Variants in PDZD9 observed in about 807,000 individuals in gnomAD.
PDZD9 encodes the protein PDZ domain containing 9.
A neutral mutation model predicts 16.3 loss-of-function variants in PDZD9; 13 were observed. The observed-to-expected ratio is 0.80, with a 90% CI of 0.52 to 1.27. PDZD9 has a LOEUF of 1.27. Ranked by LOEUF, PDZD9 falls within the 50% of genes most tolerant of loss-of-function variation. The pLI is 0.00. For missense variants in PDZD9, 288 were observed against 310.9 expected, an observed-to-expected ratio of 0.93 and a Z score of 0.55; for synonymous variants, 120 against 111.0, an observed-to-expected ratio of 1.08 and a Z score of -0.51.
At chr16:21,973,770 T>A in the PDZD9 span, 19 of 761,942 alleles carry the variant, frequency 2.5e-5, no homozygotes, top group Non-Finnish European at 4.1e-5. Context: ...CAGAACTGGC[T>A]AAGTAAAATA....
intron 2 of PDZD9, among the ~76,000 whole-genome samples, chr16:21,992,066 A>ATT (rs1248462461): frequency 6.6e-6 from 1 of 152,062 alleles, no homozygotes; most frequent in African/African-American, 2.4e-5. Flanking sequence ...CAAACTTTAA[A>ATT]TTAGATAACA....
chr16:21,978,372 TA>T, the PDZD9 span, among the ~76,000 whole-genome samples: 1 of 152,200 alleles, frequency 6.6e-6, no homozygotes, highest in Non-Finnish European at 1.5e-5. Flanking sequence ...GAGGTTCAAA[TA>T]ACTCGACTGT....
chr16:21,972,292 C>T, the PDZD9 span, among the ~76,000 whole-genome samples: 19 of 152,220 alleles, frequency 1.2e-4, no homozygotes, highest in Admixed American at 1.1e-3. Flanking sequence ...ATCAAAAACT[C>T]ACTGGCTTTT....
At chr16:21,978,474 T>G in the PDZD9 span, among the ~76,000 whole-genome samples, 1 of 152,194 alleles carries the variant, frequency 6.6e-6, no homozygotes, top group Non-Finnish European at 1.5e-5. Flanking sequence ...TTTGTGCCCA[T>G]ATTTAAGCTG....
the PDZD9 span, among the ~76,000 whole-genome samples, chr16:21,971,024 T>C: frequency 3.9e-5 from 6 of 152,174 alleles, no homozygotes; most frequent in Non-Finnish European, 7.3e-5. Context: ...TTTCCTGCAT[T>C]TCATGGGTCC....
At chr16:21,986,634 C>T (rs923282237) in intron 3 of PDZD9, among the ~76,000 whole-genome samples, 4 of 152,122 alleles carry the variant, frequency 2.6e-5, no homozygotes, top group African/African-American at 7.2e-5. Context: ...CCACTGACCA[C>T]ATGAAAGTCC....
chr16:21,968,528 C>G, the PDZD9 span: 2 of 1,035,062 alleles, frequency 1.9e-6, no homozygotes, highest in African/African-American at 1.6e-5. Context: ...ACTTATAAGG[C>G]CTTATAAGTA....
At chr16:21,961,368 A>AT in the PDZD9 span, 2 of 440,622 alleles carry the variant, frequency 4.5e-6, no homozygotes, top group Non-Finnish European at 9.2e-6. Context: ...TGAGACCACT[A>AT]TACAGCCATT....
chr16:21,961,726 A>G, the PDZD9 span, among the ~76,000 whole-genome samples: 1 of 140,664 alleles, frequency 7.1e-6, no homozygotes, highest in Non-Finnish European at 1.5e-5. Flanking sequence ...ATCTTGGCTC[A>G]CTGTAACCTC....
downstream of PDZD9, chr16:21,983,011 TGACAAAATAA>T: frequency 7.7e-7 from 1 of 1,298,028 alleles, no homozygotes. Flanking sequence ...ATTCTTGAAA[TGACAAAATAA>T]GTTCGCCTGC....
chr16:21,988,784 A>G lies in PDZD9; in HGVS notation c.219T>C (p.Val73=), dbSNP rs1173990482. ...CATTGGCATGGCCAACACTAATCAG[A>G]ACATCACCTGAAGAGGGAAAAAATT... is the stretch of plus-strand genomic sequence containing the variant. The part of the protein sequence containing the change: ...ANDGKLQPGD[V]LISVGHANVL... Residue 73 remains valine (V), a synonymous_variant, in exon 3 of 4, where the codon GTT becomes GTC. Coordinates refer to ENST00000424898, the MANE Select transcript of PDZD9 (RefSeq NM_001363519.1). 2 of 1,605,464 alleles carry G rather than the reference A, an allele frequency of 1.2e-6. No individual in the cohort carries two copies. The highest frequency in any genetic ancestry group is 1.7e-4 in the Middle Eastern group (1 of 6,014).
chr16:21,996,045 C>T (rs1281230779), intron 2 of PDZD9, among the ~76,000 whole-genome samples: 1 of 152,108 alleles, frequency 6.6e-6, no homozygotes, highest in Non-Finnish European at 1.5e-5. Context: ...CCACCTCAGC[C>T]TCCCAAAGTG....
chr16:21,996,862 G>A (rs562046669), intron 1 of PDZD9, among the ~76,000 whole-genome samples: 1 of 152,214 alleles, frequency 6.6e-6, no homozygotes, highest in South Asian at 2.1e-4. Flanking sequence ...TCACTCTGTT[G>A]CCCAGGCTGG....
At chr16:21,960,662 A>G in the PDZD9 span, among the ~76,000 whole-genome samples, 4 of 152,178 alleles carry the variant, frequency 2.6e-5, no homozygotes, top group Non-Finnish European at 4.4e-5. Flanking sequence ...AGTGAGAGAC[A>G]TGAGACTCTT....
At chr16:21,998,386 C>T (rs1264525590) in intron 1 of PDZD9, 2 of 199,884 alleles carry the variant, frequency 1.0e-5, no homozygotes, top group South Asian at 2.0e-4. Flanking sequence ...AACACAAGTA[C>T]ATCTTGAAAA....
intron 1 of PDZD9, among the ~76,000 whole-genome samples, chr16:21,997,723 A>C (rs1899185901): frequency 1.3e-5 from 2 of 152,224 alleles, no homozygotes; most frequent in South Asian, 4.1e-4. Flanking sequence ...CTAAAAGGAC[A>C]TTCAAAACAA....
At chr16:21,974,950 G>A in the PDZD9 span, among the ~76,000 whole-genome samples, 1 of 152,188 alleles carries the variant, frequency 6.6e-6, no homozygotes, top group South Asian at 2.1e-4. Context: ...AAGTAGTGAA[G>A]TTTGGGACAG....
At chr16:21,958,832 C>G in the PDZD9 span, among the ~76,000 whole-genome samples, 2 of 152,116 alleles carry the variant, frequency 1.3e-5, no homozygotes, top group Non-Finnish European at 2.9e-5. Flanking sequence ...AGAGATGTTG[C>G]AGGTTCTGTT....
At position 21,984,390 on chromosome 16, in the gene PDZD9, T is replaced by C; in HGVS notation, c.672A>G (p.Ile224Met). The C allele has an allele frequency of 1.2e-6, 2 of 1,614,166 alleles. No individual in the cohort carries two copies. The highest frequency in any genetic ancestry group is 1.7e-6 in the Non-Finnish European group (2 of 1,180,024). The stretch of plus-strand genomic sequence containing the variant: ...AGCTTTCATTGTCTTGCTTCACCAT[T>C]ATCCAGTATGGAGAAGGGGCCCTCA... Reference protein sequence around the residue: ...KEVRAPSPYWIMVKQDNESSS... With the variant: ...KEVRAPSPYWMMVKQDNESSS... Residue 224 changes from isoleucine (I) to methionine (M), a missense_variant, in exon 4 of 4, where the codon ATA becomes ATG. Physicochemically the swap from Ile to Met is conservative, Grantham distance 10. Coordinates refer to ENST00000424898, the MANE Select transcript of PDZD9 (RefSeq NM_001363519.1).
Sources: gnomAD v4.1 joint callset for allele counts (sites outside exome capture counted in the v4.1 genomes callset) on GRCh38, gnomAD v4.1.1 for gene constraint, MANE v1.5 for transcripts, NCBI Gene and HGNC (gene_info 2026-07-23, HGNC 2026-07-21) for gene names.